Variants in SPO11 observed in about 807,000 individuals in gnomAD.
The protein encoded by SPO11 is meiotic recombination protein SPO11.
SPO11 carries 49 observed loss-of-function variants against 51.6 expected under a neutral mutation model. The observed-to-expected ratio is 0.95, with a 90% CI of 0.75 to 1.20. The LOEUF (loss-of-function observed/expected upper bound fraction) is 1.20. SPO11 is among the 50% of genes most tolerant of loss of function. SPO11 has a pLI of 0.00. For missense variants in SPO11, 431 were observed against 473.4 expected (o/e 0.91, Z 0.83); for synonymous variants, 176 against 158.2 (o/e 1.11, Z -0.84).
In SPO11 at chr20:57,339,002, G is replaced by A; in HGVS notation, c.858G>A (p.Met286Ile). The A allele has an allele frequency of 6.7e-7, 1 of 1,491,666 alleles. No individual in the cohort carries two copies. The highest frequency in any genetic ancestry group is 1.2e-5 in the South Asian group (1 of 81,298). The allele number at this position is 1,491,666 out of a possible 1,614,324, so 92.4% of individuals were successfully genotyped here. Residue 286 changes from methionine to isoleucine, a missense_variant, in exon 10 of 13, where the codon ATG (methionine) becomes ATA (isoleucine). Met to Ile is a conservative substitution (Grantham distance 10). Transcript: ENST00000371263. ...TTCTTTTAACAGGCATAGAAATAAT[G>A]TGCATCTATAAGTATGGATCTATGG... The part of the protein sequence containing the change: ...VDADPHGIEI[M>I]CIYKYGSMSM...
chr20:57,335,681 T>C, intron 7 of SPO11, 117 bp from the exon 8 acceptor site: 1 of 719,754 alleles, frequency 1.4e-6, no homozygotes, highest in Non-Finnish European at 2.3e-6. Flanking sequence ...TGTTTGAAGG[T>C]ACAAACTAAA....
chr20:57,330,996 AAC>A (rs1329210708), intron 1 of SPO11, among the ~76,000 whole-genome samples: 1 of 152,214 alleles, frequency 6.6e-6, no homozygotes, highest in African/African-American at 2.4e-5. Flanking sequence ...CATTTTCTGA[AAC>A]ACAAGTTTTC....
Position 57,333,320 on chromosome 20 carries a change from A to T in SPO11, c.334+44A>T, listed in dbSNP as rs1440467039. The T allele has an allele frequency of 5.0e-6, 7 of 1,405,330 alleles. No homozygotes were observed. In the East Asian group the frequency reaches 1.4e-4, roughly 28 times the overall value. The allele number at this position is 1,405,330 out of a possible 1,614,324, so 87.1% of individuals were successfully genotyped here. On this transcript the variant is annotated intron_variant, in intron 3 of 12. Coordinates refer to ENST00000371263, the MANE Select transcript of SPO11 (RefSeq NM_012444.3). ...GCTTTTGGTAATAAAGGATAAATAA[A>T]TTTTGTTATCTTCTCAATTTTATTT... is the stretch of plus-strand genomic sequence containing the variant.
intron 8 of SPO11, among the ~76,000 whole-genome samples, chr20:57,336,358 C>G (rs1326372707): frequency 1.3e-5 from 2 of 152,166 alleles, no homozygotes; most frequent in Admixed American, 6.5e-5. Context: ...TTGGGAATCT[C>G]TTTCATTTCA....
intron 11 of SPO11, among the ~76,000 whole-genome samples, chr20:57,340,600 C>T (rs1006327351): frequency 1.3e-5 from 2 of 152,050 alleles, no homozygotes; most frequent in African/African-American, 4.8e-5. Flanking sequence ...CCTGTCTCTA[C>T]TAAAAATGCA....
Position 57,329,825 on chromosome 20 carries a change from C to T in SPO11, c.-43C>T. On this transcript the variant is annotated 5_prime_UTR_variant, in exon 1 of 13. Coordinates refer to ENST00000371263, the MANE Select transcript of SPO11 (RefSeq NM_012444.3). ...CGCAGCCACGCCCCAAGGGCGCAGCCTAGGACAGGGGCTTCTGGAGCTTCT... is the reference window on the plus strand; with the variant it reads ...CGCAGCCACGCCCCAAGGGCGCAGCTTAGGACAGGGGCTTCTGGAGCTTCT... The T allele has an allele frequency of 1.3e-6, 2 of 1,592,082 alleles. No individual in the cohort carries two copies. Among genetic ancestry groups the T allele is most frequent in the Non-Finnish European group, 1.7e-6 (2 of 1,167,866 alleles).
chr20:57,334,633 T>C, intron 5 of SPO11, 117 bp from the exon 6 acceptor site: 2 of 713,192 alleles, frequency 2.8e-6, no homozygotes, highest in South Asian at 2.3e-5. Flanking sequence ...CTTTCATCTC[T>C]GAAATTTCAA....
At chr20:57,343,214 C>T (rs2066604740) in intron 12 of SPO11, 127 bp from the exon 13 acceptor site, 5 of 1,072,684 alleles carry the variant, frequency 4.7e-6, no homozygotes, top group Middle Eastern at 2.3e-4. Flanking sequence ...CTGGAATATT[C>T]TGGCTGACCC....
intron 10 of SPO11, among the ~76,000 whole-genome samples, chr20:57,339,256 A>G (rs6099558): frequency 0.041 from 6,196 of 152,188 alleles, 191 homozygotes; most frequent in African/African-American, 0.092. Context: ...GTGGGCAAGC[A>G]GCATTATTAT....
At chr20:57,340,589 C>A (rs1028998008) in intron 11 of SPO11, among the ~76,000 whole-genome samples, 1 of 151,992 alleles carries the variant, frequency 6.6e-6, no homozygotes, top group Non-Finnish European at 1.5e-5. Context: ...CGTGACAAAA[C>A]CCTGTCTCTA....
intron 7 of SPO11, 95 bp downstream of exon 7, chr20:57,335,550 C>A (rs953378723): frequency 8.0e-7 from 1 of 1,250,452 alleles, no homozygotes; most frequent in Non-Finnish European, 1.1e-6. Flanking sequence ...GTGTAAGGAA[C>A]AAGTTAGGCC....
chr20:57,331,156 ACAGT>A (rs1158080389), intron 1 of SPO11, among the ~76,000 whole-genome samples: 3 of 152,214 alleles, frequency 2.0e-5, no homozygotes, highest in Non-Finnish European at 4.4e-5. Flanking sequence ...TGTGAAATTA[ACAGT>A]CAGCTGACAG....
At chr20:57,334,650 T>C (rs1384540168) in intron 5 of SPO11, 100 bp from the exon 6 acceptor site, 1 of 818,820 alleles carries the variant, frequency 1.2e-6, no homozygotes, top group Non-Finnish European at 1.9e-6. Context: ...TCAATCCAAG[T>C]GAAAATGCCA....
chr20:57,330,073 C>T, intron 1 of SPO11, 75 bp downstream of exon 1: 1 of 1,481,882 alleles, frequency 6.7e-7, no homozygotes, highest in Non-Finnish European at 9.0e-7. Flanking sequence ...CCCCGGGCTG[C>T]CTCCTAGTGT....
intron 3 of SPO11, 137 bp from the exon 4 acceptor site, chr20:57,333,550 C>G (rs1446987822): frequency 6.1e-6 from 4 of 653,198 alleles, no homozygotes; most frequent in Non-Finnish European, 1.1e-5. Context: ...GGTAATTGTT[C>G]TGTACTTAAC....
intron 10 of SPO11, 100 bp downstream of exon 10, chr20:57,339,126 G>GC: frequency 1.4e-6 from 1 of 718,586 alleles, no homozygotes; most frequent in Non-Finnish European, 2.2e-6. Flanking sequence ...CAGGCTGAGA[G>GC]TGCCCAAAGT....
rs771278060 is a variant in SPO11, at chr20:57,340,118, C to G, written c.899C>G (p.Ala300Gly). ...KYGSMSMSFE[A>G]HHLTVPAIRW... ...TTATTTTAGTCTATGTCTTTTGAAG[C>G]TCATCATCTCACAGTTCCAGCTATT... Residue 300 changes from alanine (A) to glycine (G), a missense_variant, in exon 11 of 13, where the codon GCT (alanine) becomes GGT (glycine). Physicochemically the swap from Ala to Gly is moderately conservative, Grantham distance 60. Around this residue, in one of 3 missense-constraint regions of SPO11, gnomAD observed 405 missense variants for 425.9 expected, o/e 0.95. Coordinates refer to ENST00000371263, the MANE Select transcript of SPO11 (RefSeq NM_012444.3). 1.2e-6 allele frequency: 2 copies of G among 1,611,070 alleles called. No homozygotes were observed. The highest frequency in any genetic ancestry group is 1.7e-6 in the Non-Finnish European group (2 of 1,177,418).
rs777560356 is a variant in SPO11 at position 57,335,871 on chromosome 20, C to T, written c.708C>T (p.Asn236=). Residue 236 remains asparagine (N), a synonymous_variant, in exon 8 of 13, where the codon AAC becomes AAT. Coordinates refer to ENST00000371263, the MANE Select transcript of SPO11 (RefSeq NM_012444.3). Reference sequence around the variant, plus strand: ...CATTTCAGCGGCTCCTAGATGACAACTTTTGCAACAAATTGTCTCCTTGCA... The same window carrying T: ...CATTTCAGCGGCTCCTAGATGACAATTTTTGCAACAAATTGTCTCCTTGCA... ...DATFQRLLDD[N]FCNKLSPCIM... is the part of the protein sequence containing the mutation. The T allele has an allele frequency of 2.5e-6, 4 of 1,612,474 alleles. No individual in the cohort carries two copies. The highest frequency in any genetic ancestry group is 3.4e-6 in the Non-Finnish European group (4 of 1,178,928).
intron 11 of SPO11, among the ~76,000 whole-genome samples, chr20:57,341,081 C>CT (rs1269331426): frequency 7.1e-6 from 1 of 140,300 alleles, no homozygotes; most frequent in Non-Finnish European, 1.5e-5. Context: ...TTATAATCTG[C>CT]TTTTTTTAAA....
Sources: gnomAD v4.1 joint callset for allele counts (sites outside exome capture counted in the v4.1 genomes callset) on GRCh38, gnomAD v4.1.1 for gene constraint, gnomAD v4.1.1 regional missense constraint, MANE v1.5 for transcripts, NCBI Gene and HGNC (gene_info 2026-07-23, HGNC 2026-07-21) for gene names.